PHF20L1: variants seen among roughly 807,000 people sequenced by gnomAD.
PHF20L1 encodes PHD finger protein 20 like 1.
A neutral mutation model predicts 125.5 loss-of-function variants in PHF20L1; 44 were observed. That is an observed-to-expected ratio of 0.35 (90% CI 0.28 to 0.45). The LOEUF is 0.45. Among genes scored for constraint, PHF20L1 ranks in the 20% least tolerant of loss-of-function variants. The pLI, the probability that PHF20L1 is intolerant of heterozygous loss-of-function variation, is 1.00. For synonymous variants in PHF20L1, 380 were observed against 403.1 expected, an observed-to-expected ratio of 0.94 and a Z score of 0.69; for missense variants, 1,012 against 1,217.2, an observed-to-expected ratio of 0.83 and a Z score of 2.51.
rs235440 is a variant in PHF20L1, at chr8:132,823,853, G to A, written c.1580-151G>A. The A allele has an allele frequency of 9.9e-6, 5 of 506,020 alleles. No homozygotes were observed. The Admixed American group carries it at 1.2e-4, about 12-fold the overall frequency. 31.3% of individuals were successfully genotyped at this position (506,020 alleles called of 1,614,324 possible). ...GTTTTTTAAGGTAAGAAATCTCACCGCTTTGTTACCAGTTCAGGCAGTAAA... is the reference window on the plus strand; with the variant it reads ...GTTTTTTAAGGTAAGAAATCTCACCACTTTGTTACCAGTTCAGGCAGTAAA... On this transcript the variant is annotated intron_variant, in intron 12 of 20. Transcript: ENST00000395386.
At chr8:132,816,863 G>A (rs774478219) in intron 10 of PHF20L1, 25 bp from the exon 11 acceptor site, 52 of 1,535,046 alleles carry the variant, frequency 3.4e-5, no homozygotes, top group Non-Finnish European at 4.3e-5. Flanking sequence ...TATCTGCTTC[G>A]TGAACATTGA....
In PHF20L1 at chr8:132,800,604, A is replaced by G. The variant is rs186388715; in HGVS notation, c.507+1432A>G. 4.7e-3 allele frequency among the ~76,000 whole-genome samples: 714 copies of G among 151,872 alleles called. 2 individuals carry two copies. The highest frequency in any genetic ancestry group is 7.1e-3 in the Non-Finnish European group (481 of 67,750). ...AATTAAGCTAGCAAAGAGTAGTGCA[A>G]CAAATTAATGCACTGTGGAAATGCT... On this transcript the variant is annotated intron_variant, in intron 6 of 20. Transcript: ENST00000395386.
chr8:132,831,131 A>G (rs529713760), intron 14 of PHF20L1, among the ~76,000 whole-genome samples: 1 of 152,120 alleles, frequency 6.6e-6, no homozygotes, highest in Admixed American at 6.6e-5. Flanking sequence ...TTCCACAGCT[A>G]GAGTGATCCT....
chr8:132,790,894 A>G (rs1271890687), intron 2 of PHF20L1, among the ~76,000 whole-genome samples: 2 of 152,170 alleles, frequency 1.3e-5, no homozygotes, highest in Non-Finnish European at 2.9e-5. Flanking sequence ...AGCATCTTAT[A>G]TACAGTTTTT....
chr8:132,845,717 G>A (rs1289731139), intron 20 of PHF20L1, 64 bp from the exon 21 acceptor site: 2 of 1,172,704 alleles, frequency 1.7e-6, no homozygotes, highest in Non-Finnish European at 2.6e-6. Context: ...CTTTCTGATT[G>A]TTTCATTTTC....
At chr8:132,810,180 G>T (rs1395593718) in intron 8 of PHF20L1, 1 of 151,874 alleles carries the variant, frequency 6.6e-6, no homozygotes, top group Non-Finnish European at 1.5e-5. Context: ...GAGTAGCTTG[G>T]ATTATAGGTG....
Position 132,835,906 on chromosome 8 carries a change from A to G in PHF20L1, c.1910-634A>G, listed in dbSNP as rs184964620. 6.4e-4 allele frequency among the ~76,000 whole-genome samples: 98 copies of G among 152,170 alleles called. 4 individuals are homozygous for G. The East Asian group carries it at 0.016, about 25-fold the overall frequency. On this transcript the variant is annotated intron_variant, in intron 15 of 20. Transcript: ENST00000395386. ...TGCTGCTGATACTGTCAATAATGCT[A>G]TTGTTGATTTTAGACCCTAGGCAAG...
At chr8:132,812,466 G>T (rs555664721) in intron 9 of PHF20L1, 1 of 984,872 alleles carries the variant, frequency 1.0e-6, no homozygotes, top group South Asian at 4.7e-5. Flanking sequence ...ATTTAAAAAA[G>T]AAAGGAAAAT....
At chr8:132,776,152 T>TA (rs1171370997) in intron 1 of PHF20L1, among the ~76,000 whole-genome samples, 2 of 152,224 alleles carry the variant, frequency 1.3e-5, no homozygotes, top group East Asian at 3.8e-4. Context: ...TAGACTGTCT[T>TA]ACTTTATGAA....
chr8:132,827,878 C>T (rs543584785), intron 14 of PHF20L1, among the ~76,000 whole-genome samples: 1 of 152,064 alleles, frequency 6.6e-6, no homozygotes, highest in South Asian at 2.1e-4. Flanking sequence ...TAGTAAGATG[C>T]ACAGAAACAT....
chr8:132,842,443 G>A lies in PHF20L1; in HGVS notation c.2388-72G>A, dbSNP rs1838025171. 4 of 1,375,972 alleles carry A rather than the reference G, an allele frequency of 2.9e-6. No homozygotes were observed. The Admixed American group carries it at 7.2e-5, about 25-fold the overall frequency. 85.2% of individuals were successfully genotyped at this position (1,375,972 alleles called of 1,614,324 possible). On this transcript the variant is annotated intron_variant, in intron 18 of 20. Transcript: ENST00000395386. ...GTCCTCCTAACCTAATTCTGAAATA[G>A]ATCATTGTATTCAGCTTGTTAATAG...
intron 20 of PHF20L1, among the ~76,000 whole-genome samples, chr8:132,844,894 C>G (rs2131964213): frequency 6.6e-6 from 1 of 152,150 alleles, no homozygotes; most frequent in Admixed American, 6.6e-5. Flanking sequence ...GTTCTTAATG[C>G]TTTCTGACTC....
rs765791310 is a variant in PHF20L1 at position 132,817,094 on chromosome 8, C to T, written c.1372+18C>T. On this transcript the variant is annotated intron_variant, in intron 11 of 20. Transcript: ENST00000395386. The stretch of plus-strand genomic sequence containing the variant: ...ACCAGAGGGTAATGTATATTGATTT[C>T]CTATAGAACCAAACATAAAAGAAGA... The T allele has an allele frequency of 3.0e-5, 42 of 1,406,186 alleles. No individual in the cohort carries two copies. Among genetic ancestry groups the T allele is most frequent in the Non-Finnish European group, 4.0e-5 (42 of 1,039,114 alleles). The allele number at this position is 1,406,186 out of a possible 1,614,324, so 87.1% of individuals were successfully genotyped here.
intron 2 of PHF20L1, among the ~76,000 whole-genome samples, chr8:132,792,746 G>A (rs1218026674): frequency 6.6e-6 from 1 of 152,152 alleles, no homozygotes; most frequent in Non-Finnish European, 1.5e-5. Context: ...ACAGGCCAGA[G>A]TAGCATTTCT....
Position 132,830,249 on chromosome 8 carries a change from C to G in PHF20L1, c.1745-1986C>G, listed in dbSNP as rs117206194. Among the ~76,000 whole-genome samples the G allele has an allele frequency of 5.9e-5, 9 of 152,102 alleles. No individual in the cohort carries two copies. The East Asian group carries it at 1.8e-3, about 30-fold the overall frequency. On this transcript the variant is annotated intron_variant, in intron 14 of 20. Coordinates refer to ENST00000395386, the MANE Select transcript of PHF20L1 (RefSeq NM_016018.5). ...TCTTTCTCATCTTGTTTCACTCTCA[C>G]GTCATCTCTTCTGCCTCCATCCTTT... is the stretch of plus-strand genomic sequence containing the variant.
chr8:132,814,905 T>TAA lies in PHF20L1; in HGVS notation c.1183+21_1183+22dup. ...AATAAAACTAGTGAGCACAGATTTT[T>TAA]AAAAAATAGTTATTTATCCTATAAG... is the stretch of plus-strand genomic sequence containing the variant. On this transcript the variant is annotated intron_variant, in intron 10 of 20. Coordinates refer to ENST00000395386, the MANE Select transcript of PHF20L1 (RefSeq NM_016018.5). 1.3e-6 allele frequency: 2 copies of TAA among 1,529,744 alleles called. No homozygotes were observed. Among genetic ancestry groups the TAA allele is most frequent in the Non-Finnish European group, 1.8e-6 (2 of 1,118,304 alleles). 94.8% of individuals were successfully genotyped at this position (1,529,744 alleles called of 1,614,324 possible). A position where few individuals can be genotyped will look rare whatever the true frequency, so the allele number is the denominator to read the frequency against.
At chr8:132,818,546 T>G (rs1835226431) in intron 12 of PHF20L1, 1 of 151,928 alleles carries the variant, frequency 6.6e-6, no homozygotes, top group Admixed American at 6.6e-5. Flanking sequence ...TTTATCTTTA[T>G]ATAAAGGTTG....
chr8:132,794,215 T>G (rs1341658104), intron 2 of PHF20L1, among the ~76,000 whole-genome samples, 195 bp from the exon 3 acceptor site: 1 of 151,878 alleles, frequency 6.6e-6, no homozygotes, highest in East Asian at 1.9e-4. Context: ...TATCAAGGAG[T>G]TTATTCAGAT....
chr8:132,784,424 G>A lies in PHF20L1; in HGVS notation c.83+6513G>A, dbSNP rs1309156804. ...ATGACCTTGAAATGAAAGTCTTACAGTTTAGATGATCTTTCAGGTGCAGTT... is the reference window on the plus strand; with the variant it reads ...ATGACCTTGAAATGAAAGTCTTACAATTTAGATGATCTTTCAGGTGCAGTT... On this transcript the variant is annotated intron_variant, in intron 2 of 20. Coordinates refer to ENST00000395386, the MANE Select transcript of PHF20L1 (RefSeq NM_016018.5). 2.0e-5 allele frequency among the ~76,000 whole-genome samples: 3 copies of A among 152,072 alleles called. No homozygotes were observed. In the East Asian group the frequency reaches 5.8e-4, roughly 29 times the overall value.
Sources: allele counts gnomAD v4.1 joint callset (sites outside exome capture counted in the v4.1 genomes callset), GRCh38; gene constraint gnomAD v4.1.1; transcripts MANE v1.5; gene names NCBI Gene and HGNC (gene_info 2026-07-23, HGNC 2026-07-21).